TBC1D32: variants seen among roughly 807,000 people sequenced by gnomAD.
TBC1D32 encodes the protein protein broad-minded.
A neutral mutation model predicts 170.3 loss-of-function variants in TBC1D32; 151 were observed. The ratio of observed to expected loss-of-function variants is 0.89; its 90% CI spans 0.78 to 1.01. The LOEUF (loss-of-function observed/expected upper bound fraction) is 1.01. TBC1D32 is among the 50% of genes least tolerant of loss of function. TBC1D32 has a pLI of 0.00. For missense variants in TBC1D32, 1,464 were observed against 1,457.1 expected (o/e 1.00, Z -0.08); for synonymous variants, 498 against 488.0 (o/e 1.02, Z -0.27).
At chr6:121,087,786 A>G (rs549527785) in intron 31 of TBC1D32, among the ~76,000 whole-genome samples, 1 of 152,326 alleles carries the variant, frequency 6.6e-6, no homozygotes, top group South Asian at 2.1e-4. Context: ...TATAAAATAA[A>G]GCCCACATAA....
At chr6:121,117,061 A>G (rs1779755397) in intron 26 of TBC1D32, among the ~76,000 whole-genome samples, 1 of 152,170 alleles carries the variant, frequency 6.6e-6, no homozygotes, top group South Asian at 2.1e-4. Context: ...TTGTATTTTT[A>G]AAGGCCTCTA....
intron 24 of TBC1D32, among the ~76,000 whole-genome samples, chr6:121,156,102 T>C (rs1023017667): frequency 2.0e-5 from 3 of 151,852 alleles, no homozygotes; most frequent in African/African-American, 2.4e-5. Flanking sequence ...CAGTTCTTTA[T>C]ACATCTAGTA....
intron 3 of TBC1D32, among the ~76,000 whole-genome samples, chr6:121,314,287 T>C (rs1333606241): frequency 6.6e-6 from 1 of 152,208 alleles, no homozygotes; most frequent in Non-Finnish European, 1.5e-5. Context: ...ACCCTTGTGA[T>C]GAGATGGGTC....
chr6:121,298,454 A>T (rs1468165912), intron 10 of TBC1D32, among the ~76,000 whole-genome samples: 1 of 152,076 alleles, frequency 6.6e-6, no homozygotes, highest in Non-Finnish European at 1.5e-5. Context: ...TACATAAACC[A>T]TGGGGAAAAT....
chr6:121,240,068 C>T (rs1476205959), intron 19 of TBC1D32, among the ~76,000 whole-genome samples: 1 of 152,078 alleles, frequency 6.6e-6, no homozygotes, highest in African/African-American at 2.4e-5. Flanking sequence ...TCCAAGGTTG[C>T]CATGAAGTAT....
chr6:121,215,786 A>C (rs1342908859), intron 21 of TBC1D32, among the ~76,000 whole-genome samples: 1 of 152,242 alleles, frequency 6.6e-6, no homozygotes, highest in Non-Finnish European at 1.5e-5. Flanking sequence ...CATGCAAATC[A>C]AAACCAAAAT....
At position 121,317,692 on chromosome 6, in the gene TBC1D32, TTAA is replaced by T. The variant is rs763283551; in HGVS notation, c.318-23_318-21del. 184 of 1,515,126 alleles carry T rather than the reference TTAA, an allele frequency of 1.2e-4. No homozygotes were observed. The highest frequency in any genetic ancestry group is 1.5e-4 in the Non-Finnish European group (170 of 1,122,204). The allele number at this position is 1,515,126 out of a possible 1,614,324, so 93.9% of individuals were successfully genotyped here. On this transcript the variant is annotated intron_variant, in intron 2 of 31. Coordinates refer to ENST00000398212, the MANE Select transcript of TBC1D32 (RefSeq NM_152730.6). The stretch of plus-strand genomic sequence containing the variant: ...TTGTACCTTTAAATTCAAGGTAGTC[TTAA>T]TAAGAGAAAGACGATCAGAAATTAA...
chr6:121,176,993 G>A (rs1187750160), intron 22 of TBC1D32, among the ~76,000 whole-genome samples: 1 of 152,074 alleles, frequency 6.6e-6, no homozygotes, highest in Non-Finnish European at 1.5e-5. Context: ...AAGGTGTTCT[G>A]GTGATGCTAC....
intron 30 of TBC1D32, among the ~76,000 whole-genome samples, chr6:121,098,357 C>T (rs1777656255): frequency 6.6e-6 from 1 of 151,880 alleles, no homozygotes; most frequent in Admixed American, 6.6e-5. Flanking sequence ...GCTTCATCTG[C>T]TTTCATCATA....
Position 121,103,576 on chromosome 6 carries a change from G to A in TBC1D32, c.3465+2447C>T, listed in dbSNP as rs1208286886. Among the ~76,000 whole-genome samples the A allele has an allele frequency of 3.5e-5, 4 of 114,678 alleles. No individual in the cohort carries two copies. The East Asian group carries it at 9.1e-4, about 26-fold the overall frequency. The allele number at this position is 114,678 out of a possible 152,430, so 75.2% of individuals were successfully genotyped here. ...AGGAAGGGGAACATTACACTCTGGG[G>A]CCTGTTGTAGGGAGGGGGGAGGGGG... is the stretch of plus-strand genomic sequence containing the variant. On this transcript the variant is annotated intron_variant, in intron 30 of 31. Coordinates refer to ENST00000398212, the MANE Select transcript of TBC1D32 (RefSeq NM_152730.6).
chr6:121,123,556 C>T (rs1013694562), intron 26 of TBC1D32, among the ~76,000 whole-genome samples: 2 of 151,966 alleles, frequency 1.3e-5, no homozygotes, highest in Non-Finnish European at 2.9e-5. Flanking sequence ...ATAGTTACTC[C>T]TATCCTTTTA....
At chr6:121,131,359 GA>G (rs1162471839) in intron 25 of TBC1D32, among the ~76,000 whole-genome samples, 3 of 145,414 alleles carry the variant, frequency 2.1e-5, no homozygotes, top group East Asian at 2.0e-4. Flanking sequence ...AACTGAATAT[GA>G]AAAAAAAAAC....
Position 121,322,483 on chromosome 6 carries a change from G to A in TBC1D32, c.156-689C>T, listed in dbSNP as rs942546636. ...AGAGTGTTTTACCACCACTCGTATA[G>A]ATTGTCTTCTACAGCCTAAAATGTT... On this transcript the variant is annotated intron_variant, in intron 1 of 31. Transcript: ENST00000398212. Among the ~76,000 whole-genome samples, 7 of 152,148 alleles carry A rather than the reference G, an allele frequency of 4.6e-5. No individual in the cohort carries two copies. The East Asian group carries it at 1.2e-3, about 25-fold the overall frequency.
intron 10 of TBC1D32, among the ~76,000 whole-genome samples, chr6:121,296,106 T>C (rs1805593711): frequency 6.6e-6 from 1 of 152,168 alleles, no homozygotes; most frequent in Non-Finnish European, 1.5e-5. Flanking sequence ...CCCTGGTATA[T>C]AACATTTCAC....
At chr6:121,142,120 AG>A in intron 24 of TBC1D32, among the ~76,000 whole-genome samples, 1 of 152,348 alleles carries the variant, frequency 6.6e-6, no homozygotes, top group African/African-American at 2.4e-5. Flanking sequence ...TCGCCAGCTT[AG>A]GGGGGCTGCA....
chr6:121,328,228 T>C (rs989904248), intron 1 of TBC1D32, among the ~76,000 whole-genome samples: 1 of 152,074 alleles, frequency 6.6e-6, no homozygotes, highest in African/African-American at 2.4e-5. Flanking sequence ...TCTATTAGTA[T>C]TCACTATTCA....
At chr6:121,223,388 C>A in intron 20 of TBC1D32, 36 bp from the exon 21 acceptor site, 1 of 1,396,780 alleles carries the variant, frequency 7.2e-7, no homozygotes, top group Non-Finnish European at 1.0e-6. Context: ...AAATGATTCA[C>A]TTTTGTCAAC....
At chr6:121,120,006 A>T (rs965716771) in intron 26 of TBC1D32, among the ~76,000 whole-genome samples, 2 of 152,136 alleles carry the variant, frequency 1.3e-5, no homozygotes, top group Admixed American at 1.3e-4. Flanking sequence ...AAGCAAATAC[A>T]GTGAAATTCT....
intron 21 of TBC1D32, among the ~76,000 whole-genome samples, chr6:121,209,326 A>G (rs1420695607): frequency 3.3e-5 from 5 of 152,158 alleles, no homozygotes; most frequent in Admixed American, 6.5e-5. Flanking sequence ...TGTGTGAGAG[A>G]TAAGAACATT....
Sources: gnomAD v4.1 joint callset for allele counts (sites outside exome capture counted in the v4.1 genomes callset) on GRCh38, gnomAD v4.1.1 for gene constraint, MANE v1.5 for transcripts, NCBI Gene and HGNC (gene_info 2026-07-23, HGNC 2026-07-21) for gene names.